The following COMMD10 variants were observed in gnomAD, a reference collection of about 807,000 sequenced individuals.
The protein encoded by COMMD10 is COMM domain-containing protein 10.
A neutral mutation model predicts 28.9 loss-of-function variants in COMMD10; 33 were observed. The observed-to-expected ratio is 1.14, with a 90% CI of 0.87 to 1.53. The LOEUF is 1.53. COMMD10 is among the 40% of genes most tolerant of loss of function. The pLI is 0.00. For synonymous variants in COMMD10, 110 were observed against 81.7 expected (o/e 1.35, Z -1.87); for missense variants, 310 against 233.4 (o/e 1.33, Z -2.14).
Position 116,276,357 on chromosome 5 carries a change from A to G in COMMD10, c.511-15160A>G, listed in dbSNP as rs111254045. On this transcript the variant is annotated intron_variant, in intron 5 of 6. Coordinates refer to ENST00000274458, the MANE Select transcript of COMMD10 (RefSeq NM_016144.4). ...AACCTCCACCTCCCAGGTTCAAGCAATTCTCCTGCCCCAGCCTCCCAAGTA... is the reference window on the plus strand; with the variant it reads ...AACCTCCACCTCCCAGGTTCAAGCAGTTCTCCTGCCCCAGCCTCCCAAGTA... 5.7e-3 allele frequency among the ~76,000 whole-genome samples: 865 copies of G among 151,714 alleles called. 5 individuals carry two copies. Among genetic ancestry groups the G allele is most frequent in the Middle Eastern group, 6.8e-3 (2 of 292 alleles).
At chr5:116,125,538 T>C (rs1751597735) in intron 4 of COMMD10, among the ~76,000 whole-genome samples, 1 of 152,130 alleles carries the variant, frequency 6.6e-6, no homozygotes, top group South Asian at 2.1e-4. Flanking sequence ...TTGGAGTTGC[T>C]CTTCTCCAGG....
At chr5:116,128,131 C>T (rs1201082795) in intron 4 of COMMD10, among the ~76,000 whole-genome samples, 1 of 151,914 alleles carries the variant, frequency 6.6e-6, no homozygotes, top group Non-Finnish European at 1.5e-5. Context: ...TTTACATTTT[C>T]TTTTCCTATT....
In COMMD10 at chr5:116,215,728, A is replaced by G. The variant is rs538952143; in HGVS notation, c.511-75789A>G. ...TATATATATATATATATATATATATATATGTATATATAATTCATATAAATA... is the reference window on the plus strand; with the variant it reads ...TATATATATATATATATATATATATGTATGTATATATAATTCATATAAATA... On this transcript the variant is annotated intron_variant, in intron 5 of 6. Coordinates refer to ENST00000274458, the MANE Select transcript of COMMD10 (RefSeq NM_016144.4). Among the ~76,000 whole-genome samples, 115 of 119,116 alleles carry G rather than the reference A, an allele frequency of 9.7e-4. 1 individual carries two copies. Among genetic ancestry groups the G allele is most frequent in the East Asian group, 2.1e-3 (9 of 4,270 alleles). The allele number at this position is 119,116 out of a possible 152,430, so 78.1% of individuals were successfully genotyped here.
At chr5:116,274,360 C>T (rs1042004451) in intron 5 of COMMD10, among the ~76,000 whole-genome samples, 1 of 151,856 alleles carries the variant, frequency 6.6e-6, no homozygotes, top group Admixed American at 6.6e-5. Context: ...GCAGACTATA[C>T]AGCTCTGCTG....
At chr5:116,111,376 T>C (rs572607095) in intron 4 of COMMD10, among the ~76,000 whole-genome samples, 2 of 152,262 alleles carry the variant, frequency 1.3e-5, no homozygotes, top group East Asian at 3.9e-4. Flanking sequence ...TAATTTGCAA[T>C]CTTTCTACTT....
chr5:116,092,739 A>G (rs1249921770), intron 4 of COMMD10, 39 bp downstream of exon 4: 4 of 1,410,842 alleles, frequency 2.8e-6, no homozygotes, highest in Non-Finnish European at 3.8e-6. Context: ...TTTCAATAAC[A>G]TATGGCATAA....
intron 5 of COMMD10, among the ~76,000 whole-genome samples, chr5:116,273,147 G>A (rs1365386441): frequency 1.3e-5 from 2 of 151,782 alleles, no homozygotes; most frequent in Non-Finnish European, 2.9e-5. Context: ...TTAAATGAAT[G>A]TCCTATCCTT....
intron 5 of COMMD10, among the ~76,000 whole-genome samples, chr5:116,225,353 GATTTTTTTTT>G (rs1163681511): frequency 1.7e-5 from 2 of 116,512 alleles, no homozygotes; most frequent in African/African-American, 3.4e-5. Context: ...TTTTTTTGGG[GATTTTTTTTT>G]TTTTTTTTGC....
intron 5 of COMMD10, among the ~76,000 whole-genome samples, chr5:116,191,103 A>G (rs529120099): frequency 6.6e-6 from 1 of 152,236 alleles, no homozygotes; most frequent in Admixed American, 6.5e-5. Flanking sequence ...TGCTATTTCC[A>G]GATTTCAGAG....
chr5:116,283,198 A>G (rs1751120675), intron 5 of COMMD10, among the ~76,000 whole-genome samples: 2 of 151,928 alleles, frequency 1.3e-5, no homozygotes, highest in African/African-American at 4.9e-5. Flanking sequence ...AAAAACAACC[A>G]TTCTACCTAC....
chr5:116,195,423 A>G (rs1748485481), intron 5 of COMMD10, among the ~76,000 whole-genome samples: 2 of 152,176 alleles, frequency 1.3e-5, no homozygotes, highest in Non-Finnish European at 2.9e-5. Flanking sequence ...GGACTCCTCC[A>G]GAAAGCTCCT....
intron 6 of COMMD10, 147 bp from the exon 7 acceptor site, chr5:116,292,304 G>T: frequency 2.3e-6 from 1 of 434,872 alleles, no homozygotes. Flanking sequence ...TATTCTAAGT[G>T]GTAATTTTAT....
At position 116,188,207 on chromosome 5, in the gene COMMD10, A is replaced by G. The variant is rs1220774169; in HGVS notation, c.510+54029A>G. 2.6e-5 allele frequency among the ~76,000 whole-genome samples: 4 copies of G among 151,888 alleles called. No individual in the cohort carries two copies. The South Asian group carries it at 8.3e-4, about 32-fold the overall frequency. ...ACTTGTCTGTGACCTGTCATGATCA[A>G]CTCCTAAGGGACAAGCTTTGATTAC... On this transcript the variant is annotated intron_variant, in intron 5 of 6. Transcript: ENST00000274458.
chr5:116,146,436 G>A (rs1263848205), intron 5 of COMMD10, among the ~76,000 whole-genome samples: 1 of 151,696 alleles, frequency 6.6e-6, no homozygotes, highest in African/African-American at 2.4e-5. Context: ...GGTGATTTTT[G>A]GAATTGTTTT....
At chr5:116,262,562 T>A (rs544060103) in intron 5 of COMMD10, among the ~76,000 whole-genome samples, 3 of 151,808 alleles carry the variant, frequency 2.0e-5, no homozygotes, top group Non-Finnish European at 4.4e-5. Flanking sequence ...GGCCAGTTTT[T>A]TCAAGTACAT....
intron 5 of COMMD10, among the ~76,000 whole-genome samples, chr5:116,175,749 A>C (rs10062295): frequency 0.31 from 47,424 of 152,064 alleles, 10,388 homozygotes; most frequent in African/African-American, 0.63. Flanking sequence ...GAAGACATTC[A>C]GCTAAGTAAA....
At chr5:116,215,445 T>A (rs1749069137) in intron 5 of COMMD10, among the ~76,000 whole-genome samples, 2 of 151,658 alleles carry the variant, frequency 1.3e-5, no homozygotes, top group South Asian at 2.1e-4. Context: ...TTTTACCACT[T>A]TGGGAGGCCA....
chr5:116,204,787 A>G (rs1338736259), intron 5 of COMMD10, among the ~76,000 whole-genome samples: 1 of 152,050 alleles, frequency 6.6e-6, no homozygotes, highest in African/African-American at 2.4e-5. Flanking sequence ...TCAACCTTTT[A>G]TTTACTGTGG....
chr5:116,090,379 C>T (rs916444960), intron 2 of COMMD10, among the ~76,000 whole-genome samples: 6 of 152,194 alleles, frequency 3.9e-5, no homozygotes, highest in African/African-American at 7.2e-5. Context: ...AGCGTGCCAG[C>T]GGTTTGCATT....
Sources: gnomAD v4.1 joint callset for allele counts (sites outside exome capture counted in the v4.1 genomes callset) on GRCh38, gnomAD v4.1.1 for gene constraint, MANE v1.5 for transcripts, NCBI Gene and HGNC (gene_info 2026-07-23, HGNC 2026-07-21) for gene names.